PHACTR3: variants seen among roughly 807,000 people sequenced by gnomAD.
The protein encoded by PHACTR3 is protein phosphatase 1, regulatory subunit 123.
In PHACTR3, 16 loss-of-function variants were observed where a neutral mutation model predicts 66.8. The ratio of observed to expected loss-of-function variants is 0.24; its 90% CI spans 0.16 to 0.36. PHACTR3 has a LOEUF of 0.36. PHACTR3 is among the 10% of genes least tolerant of loss of function. The probability of loss-of-function intolerance (pLI) is 1.00; values close to 1 mark genes in which losing one functional copy is unlikely to be tolerated. For missense variants in PHACTR3, 647 were observed against 719.9 expected, an observed-to-expected ratio of 0.90 and a Z score of 1.16; for synonymous variants, 323 against 292.1, an observed-to-expected ratio of 1.11 and a Z score of -1.08.
chr20:59,797,511 G>A (rs1320174143), intron 7 of PHACTR3, among the ~76,000 whole-genome samples: 1 of 152,088 alleles, frequency 6.6e-6, no homozygotes, highest in Non-Finnish European at 1.5e-5. Context: ...CTATAGATGG[G>A]ACCTAGGGTG....
chr20:59,732,733 G>A (rs1163635579), intron 1 of PHACTR3, among the ~76,000 whole-genome samples: 1 of 152,144 alleles, frequency 6.6e-6, no homozygotes, highest in East Asian at 1.9e-4. Flanking sequence ...CCATTGCCCT[G>A]CATTTGATTC....
chr20:59,592,927 T>C (rs1227185931), intron 1 of PHACTR3, among the ~76,000 whole-genome samples: 1 of 152,244 alleles, frequency 6.6e-6, no homozygotes, highest in Non-Finnish European at 1.5e-5. Flanking sequence ...CTTCCAAATT[T>C]TGACAATTAT....
intron 1 of PHACTR3, among the ~76,000 whole-genome samples, chr20:59,638,259 C>T (rs1568951035): frequency 1.3e-5 from 2 of 152,164 alleles, no homozygotes; most frequent in South Asian, 2.1e-4. Flanking sequence ...ATGGATGGGC[C>T]AAGCCATAGC....
At chr20:59,818,090 G>C (rs539634129) in intron 8 of PHACTR3, among the ~76,000 whole-genome samples, 1 of 152,290 alleles carries the variant, frequency 6.6e-6, no homozygotes, top group South Asian at 2.1e-4. Flanking sequence ...ATATGTGAGG[G>C]GGCCCTTGTG....
intron 8 of PHACTR3, among the ~76,000 whole-genome samples, chr20:59,810,787 G>C (rs1328335928): frequency 1.3e-5 from 2 of 152,154 alleles, no homozygotes; most frequent in African/African-American, 4.8e-5. Flanking sequence ...GCTCTATGCT[G>C]ATTTTCACCC....
intron 1 of PHACTR3, among the ~76,000 whole-genome samples, chr20:59,635,645 G>A (rs59353615): frequency 0.018 from 2,741 of 152,310 alleles, 105 homozygotes; most frequent in African/African-American, 0.062. Context: ...CATGAAGAAG[G>A]AAGTTAAGAT....
At position 59,774,277 on chromosome 20, in the gene PHACTR3, A is replaced by G; in HGVS notation, c.961A>G (p.Lys321Glu). Reference protein sequence around the residue: ...QGRESKGSPKKRLDVRLSRTS... With the variant: ...QGRESKGSPKERLDVRLSRTS... ...AAGAGAAAGTAAAGGGTCTCCAAAG[A>G]AGCGGCTGGATGTCCGTCTGTCGAG... is the stretch of plus-strand genomic sequence containing the variant. The change falls in exon 7 of 13, where the codon AAG becomes GAG. Residue 321 changes from lysine to glutamate, a missense_variant. Coordinates refer to ENST00000371015, the MANE Select transcript of PHACTR3 (RefSeq NM_080672.5). 6.2e-7 allele frequency: 1 copy of G among 1,607,902 alleles called. No individual in the cohort carries two copies. Among genetic ancestry groups the G allele is most frequent in the Non-Finnish European group, 8.5e-7 (1 of 1,177,596 alleles).
chr20:59,607,483 C>A (rs1354027509), intron 1 of PHACTR3, among the ~76,000 whole-genome samples: 1 of 152,220 alleles, frequency 6.6e-6, no homozygotes, highest in Non-Finnish European at 1.5e-5. Context: ...CATCTAAATT[C>A]TATAATTTAA....
intron 1 of PHACTR3, among the ~76,000 whole-genome samples, chr20:59,739,724 C>A (rs114911351): frequency 0.026 from 3,994 of 152,146 alleles, 163 homozygotes; most frequent in African/African-American, 0.091. Flanking sequence ...GGTGGGGACA[C>A]AAAGCCTAAC....
Position 59,760,276 on chromosome 20 carries a change from T to A in PHACTR3, c.541+4912T>A, listed in dbSNP as rs549260197. Among the ~76,000 whole-genome samples, 27 of 152,296 alleles carry A rather than the reference T, an allele frequency of 1.8e-4. No homozygotes were observed. The South Asian group carries it at 5.4e-3, about 30-fold the overall frequency. ...CCATTATTTTCCTTGAGCCTTTGGT[T>A]TGGTGATTTGGGTTGACTTTGGGCT... On this transcript the variant is annotated intron_variant, in intron 4 of 12. Coordinates refer to ENST00000371015, the MANE Select transcript of PHACTR3 (RefSeq NM_080672.5).
At chr20:59,578,491 A>G (rs78332255) in intron 1 of PHACTR3, among the ~76,000 whole-genome samples, 1 of 152,320 alleles carries the variant, frequency 6.6e-6, no homozygotes, top group East Asian at 1.9e-4. Flanking sequence ...GTTTTTAACC[A>G]AAGCACCAGG....
chr20:59,821,370 G>A (rs1250615429), intron 8 of PHACTR3, among the ~76,000 whole-genome samples: 1 of 152,282 alleles, frequency 6.6e-6, no homozygotes, highest in Non-Finnish European at 1.5e-5. Context: ...TTATGCCGGT[G>A]TTGATCCTCC....
At chr20:59,618,339 G>A (rs190358572) in intron 1 of PHACTR3, among the ~76,000 whole-genome samples, 123 of 152,260 alleles carry the variant, frequency 8.1e-4, no homozygotes, top group African/African-American at 2.1e-3. Context: ...GTGTGTGTGC[G>A]TGAGTGTGTG....
At chr20:59,581,599 A>G (rs1052956838) in intron 1 of PHACTR3, among the ~76,000 whole-genome samples, 36 of 152,316 alleles carry the variant, frequency 2.4e-4, no homozygotes, top group African/African-American at 7.9e-4. Context: ...GAAATGGCCT[A>G]GGCTGGACGT....
In PHACTR3 at chr20:59,731,634, G is replaced by A. The variant is rs1040570166; in HGVS notation, c.119-11473G>A. On this transcript the variant is annotated intron_variant, in intron 1 of 12. Coordinates refer to ENST00000371015, the MANE Select transcript of PHACTR3 (RefSeq NM_080672.5). The stretch of plus-strand genomic sequence containing the variant: ...TGATACTAAACAGATGGGCTTTCTA[G>A]TTAGATGTGCTGTTTTTTCCACAAT... 2.6e-5 allele frequency among the ~76,000 whole-genome samples: 4 copies of A among 152,282 alleles called. No individual in the cohort carries two copies. The South Asian group carries it at 8.3e-4, about 32-fold the overall frequency.
rs569511447 is a variant in PHACTR3, at chr20:59,720,715, T to G, written c.119-22392T>G. On this transcript the variant is annotated intron_variant, in intron 1 of 12. Transcript: ENST00000371015. ...TTCCAGAATCCTCTTAAGAAGGATT[T>G]AAGAATCTTGCCAAAGTGGCCACTT... 1.4e-3 allele frequency among the ~76,000 whole-genome samples: 217 copies of G among 152,348 alleles called. 1 individual carries two copies. Among genetic ancestry groups the G allele is most frequent in the South Asian group, 7.0e-3 (34 of 4,832 alleles).
intron 1 of PHACTR3, among the ~76,000 whole-genome samples, chr20:59,659,570 A>G (rs1006887250): frequency 6.6e-6 from 1 of 151,772 alleles, no homozygotes; most frequent in African/African-American, 2.4e-5. Context: ...ACAGGGTTTC[A>G]CCATATTGGC....
rs1190335880 is a variant in PHACTR3, at chr20:59,767,461, A to C, written c.751+66A>C. On this transcript the variant is annotated intron_variant, in intron 5 of 12. Coordinates refer to ENST00000371015, the MANE Select transcript of PHACTR3 (RefSeq NM_080672.5). ...TGCCCCATCCATCCATCTATCCTAC[A>C]TTCATCCACCCATCCATCATCTATC... 3 of 1,478,178 alleles carry C rather than the reference A, an allele frequency of 2.0e-6. No homozygotes were observed. In the Admixed American group the frequency reaches 5.5e-5, roughly 27 times the overall value. The allele number at this position is 1,478,178 out of a possible 1,614,324, so 91.6% of individuals were successfully genotyped here.
intron 1 of PHACTR3, among the ~76,000 whole-genome samples, chr20:59,701,888 G>A (rs955913552): frequency 2.0e-5 from 3 of 152,148 alleles, no homozygotes; most frequent in Admixed American, 2.0e-4. Context: ...AGAACCCCTG[G>A]CAACCACAGA....
Sources: allele counts gnomAD v4.1 joint callset (sites outside exome capture counted in the v4.1 genomes callset), GRCh38; gene constraint gnomAD v4.1.1; transcripts MANE v1.5; gene names NCBI Gene and HGNC (gene_info 2026-07-23, HGNC 2026-07-21).